The following IGF1R variants were observed in gnomAD, a reference collection of about 807,000 sequenced individuals.
IGF1R encodes the protein insulin like growth factor 1 receptor.
In IGF1R, 44 loss-of-function variants were observed where a neutral mutation model predicts 144.6. That is an observed-to-expected ratio of 0.30 (90% confidence interval 0.24 to 0.39). The LOEUF (loss-of-function observed/expected upper bound fraction) is 0.39, where lower values mean the gene tolerates loss of function less well. Ranked by LOEUF, IGF1R falls within the 10% of genes least tolerant of loss-of-function variation. IGF1R has a pLI of 1.00. For missense variants in IGF1R, 1,355 were observed against 1,833.7 expected, an observed-to-expected ratio of 0.74 and a Z score of 4.77; for synonymous variants, 795 against 722.8, an observed-to-expected ratio of 1.10 and a Z score of -1.60.
chr15:98,729,992 G>C (rs1365664418), intron 2 of IGF1R, among the ~76,000 whole-genome samples: 2 of 152,162 alleles, frequency 1.3e-5, no homozygotes, highest in African/African-American at 4.8e-5. Flanking sequence ...AGGGCATCTG[G>C]TCTAAAGGCA....
At chr15:98,906,185 A>T (rs1435070933) in intron 5 of IGF1R, among the ~76,000 whole-genome samples, 1 of 152,238 alleles carries the variant, frequency 6.6e-6, no homozygotes, top group South Asian at 2.1e-4. Context: ...CTGGTTTATA[A>T]TTCATGCTTC....
intron 2 of IGF1R, among the ~76,000 whole-genome samples, chr15:98,802,696 TGAAA>T (rs2056387718): frequency 6.6e-6 from 1 of 152,222 alleles, no homozygotes; most frequent in South Asian, 2.1e-4. Flanking sequence ...CTAGCATCAT[TGAAA>T]GAGTTTTTTG....
intron 2 of IGF1R, among the ~76,000 whole-genome samples, chr15:98,745,441 C>T (rs1424621248): frequency 6.6e-6 from 1 of 152,202 alleles, no homozygotes; most frequent in Non-Finnish European, 1.5e-5. Context: ...GTGGCCCAGT[C>T]AGGAGCTCCT....
At chr15:98,717,603 A>G (rs1490712278) in intron 2 of IGF1R, among the ~76,000 whole-genome samples, 1 of 152,190 alleles carries the variant, frequency 6.6e-6, no homozygotes, top group South Asian at 2.1e-4. Flanking sequence ...ACATATGTCT[A>G]TATCGGGGTG....
At chr15:98,952,895 C>A (rs1224161400) in intron 20 of IGF1R, 1 of 152,122 alleles carries the variant, frequency 6.6e-6, no homozygotes, top group African/African-American at 2.4e-5. Flanking sequence ...AATTTTTCTC[C>A]CTTCCAAGAA....
chr15:98,823,901 TGA>T (rs1437935760), intron 2 of IGF1R, among the ~76,000 whole-genome samples: 4 of 152,220 alleles, frequency 2.6e-5, no homozygotes, highest in South Asian at 4.1e-4. Flanking sequence ...AGGCATATTC[TGA>T]GAGAGAAAGA....
At chr15:98,947,963 AC>A (rs762113215) in intron 19 of IGF1R, among the ~76,000 whole-genome samples, 1 of 152,046 alleles carries the variant, frequency 6.6e-6, no homozygotes, top group Non-Finnish European at 1.5e-5. Flanking sequence ...CCAGGCCCTC[AC>A]CCCAGACCAA....
chr15:98,671,376 AGGCTCT>A (rs2141196558), intron 1 of IGF1R, among the ~76,000 whole-genome samples: 1 of 152,346 alleles, frequency 6.6e-6, no homozygotes, highest in South Asian at 2.1e-4. Context: ...AGCCTGGGGC[AGGCTCT>A]GTCTGCAGAA....
intron 2 of IGF1R, among the ~76,000 whole-genome samples, chr15:98,757,668 C>A (rs942946270): frequency 2.0e-5 from 3 of 152,038 alleles, no homozygotes; most frequent in Non-Finnish European, 4.4e-5. Flanking sequence ...GCTTTGCTTT[C>A]TTTTTACTTG....
At position 98,916,697 on chromosome 15, in the gene IGF1R, C is replaced by T. The variant is rs1341089283; in HGVS notation, c.2022C>T (p.Ala674=). The change falls in exon 10 of 21, where the codon GCC becomes GCT. Residue 674 remains alanine (A), a synonymous_variant. Transcript: ENST00000650285. ...ACAAAATCCCCATCAGGAAGTATGCCGACGGCACCATCGACATTGAGGAGG... is the reference window on the plus strand; with the variant it reads ...ACAAAATCCCCATCAGGAAGTATGCTGACGGCACCATCGACATTGAGGAGG... ...SKDKIPIRKY[A]DGTIDIEEVT... is the part of the protein sequence containing the mutation. 13 of 1,613,872 alleles carry T rather than the reference C, an allele frequency of 8.1e-6. No homozygotes were observed. Among genetic ancestry groups the T allele is most frequent in the African/African-American group, 4.0e-5 (3 of 74,862 alleles).
chr15:98,859,442 A>G (rs1232978227), intron 2 of IGF1R, among the ~76,000 whole-genome samples: 1 of 152,218 alleles, frequency 6.6e-6, no homozygotes, highest in Non-Finnish European at 1.5e-5. Flanking sequence ...TTGCACTCAG[A>G]CACTCTAGAA....
rs961829783 is a variant in IGF1R, at chr15:98,664,626, G to GAGGTTGC, written c.94+14954_94+14960dup. Reference sequence around the variant, plus strand: ...GTTGGAGGTTGGAGGTTGGAGGTTGGAGGTTGCAGTGAGCCAAGATCGCGC... The same window carrying GAGGTTGC: ...GTTGGAGGTTGGAGGTTGGAGGTTGGAGGTTGCAGGTTGCAGTGAGCCAAGATCGCGC... On this transcript the variant is annotated intron_variant, in intron 1 of 20. Transcript: ENST00000650285. 2.7e-5 allele frequency among the ~76,000 whole-genome samples: 4 copies of GAGGTTGC among 149,538 alleles called. 1 individual carries two copies. The highest frequency in any genetic ancestry group is 7.5e-5 in the African/African-American group (3 of 40,256).
At position 98,942,780 on chromosome 15, in the gene IGF1R, C is replaced by A. The variant is rs70958399; in HGVS notation, c.3458-143C>A. The A allele has an allele frequency of 2.0e-4, 193 of 986,508 alleles. No homozygotes were observed. The East Asian group carries it at 4.0e-3, about 20-fold the overall frequency. The allele number at this position is 986,508 out of a possible 1,614,324, so 61.1% of individuals were successfully genotyped here. Reference sequence around the variant, plus strand: ...TGTCTCCACCTTATAAAATTGCAAACCCTAATATTTGGCCACCTTAAAGTG... The same window carrying A: ...TGTCTCCACCTTATAAAATTGCAAAACCTAATATTTGGCCACCTTAAAGTG... On this transcript the variant is annotated intron_variant, in intron 18 of 20. Transcript: ENST00000650285.
In IGF1R at chr15:98,899,536, G is replaced by T; in HGVS notation, c.1162G>T (p.Val388Leu). Reference sequence around the variant, plus strand: ...GCTCATCGAGGTGGTGACGGGCTACGTGAAGATCCGCCATTCTCATGCCTT... The same window carrying T: ...GCTCATCGAGGTGGTGACGGGCTACTTGAAGATCCGCCATTCTCATGCCTT... ...MGLIEVVTGY[V>L]KIRHSHALVS... The change falls in exon 5 of 21, where the codon GTG becomes TTG. Residue 388 changes from valine (V) to leucine (L), a missense_variant. Val to Leu is a conservative substitution (Grantham distance 32). Transcript: ENST00000650285. 6.2e-7 allele frequency: 1 copy of T among 1,614,152 alleles called. No individual in the cohort carries two copies. The highest frequency in any genetic ancestry group is 8.5e-7 in the Non-Finnish European group (1 of 1,179,988).
At chr15:98,690,537 G>A (rs1197634778) in intron 1 of IGF1R, among the ~76,000 whole-genome samples, 1 of 152,030 alleles carries the variant, frequency 6.6e-6, no homozygotes, top group Non-Finnish European at 1.5e-5. Context: ...TGCAATTTGT[G>A]GTTTTTCATT....
chr15:98,913,613 C>T (rs1222044115), intron 8 of IGF1R, among the ~76,000 whole-genome samples: 2 of 152,186 alleles, frequency 1.3e-5, no homozygotes, highest in Non-Finnish European at 1.5e-5. Flanking sequence ...GATGTTCAAT[C>T]CTCCAGGAAC....
At position 98,957,470 on chromosome 15, in the gene IGF1R, G is replaced by T. The variant is rs45561034; in HGVS notation, c.*28G>T. The T allele has an allele frequency of 1.2e-5, 20 of 1,612,250 alleles. No individual in the cohort carries two copies. Among genetic ancestry groups the T allele is most frequent in the Middle Eastern group, 1.8e-4 (1 of 5,546 alleles). The stretch of plus-strand genomic sequence containing the variant: ...CTTGGATCCTGAATCTGTGCAAACA[G>T]TAACGTGTGCGCACGCGCAGCGGGG... On this transcript the variant is annotated 3_prime_UTR_variant, in exon 21 of 21. Transcript: ENST00000650285.
intron 4 of IGF1R, 133 bp from the exon 5 acceptor site, chr15:98,899,344 C>A: frequency 1.2e-6 from 1 of 859,198 alleles, no homozygotes; most frequent in South Asian, 1.4e-5. Flanking sequence ...TGTCAGGGAG[C>A]AGCCAGTCCT....
At chr15:98,685,192 C>T (rs1424575919) in intron 1 of IGF1R, among the ~76,000 whole-genome samples, 1 of 152,100 alleles carries the variant, frequency 6.6e-6, no homozygotes, top group African/African-American at 2.4e-5. Context: ...CAGTCCTCTC[C>T]CTCCAGCCTC....
Sources: gnomAD v4.1 joint callset for allele counts (sites outside exome capture counted in the v4.1 genomes callset) on GRCh38, gnomAD v4.1.1 for gene constraint, MANE v1.5 for transcripts, NCBI Gene and HGNC (gene_info 2026-07-23, HGNC 2026-07-21) for gene names.